HADHA: variants seen among roughly 807,000 people sequenced by gnomAD.
HADHA encodes the protein trifunctional enzyme subunit alpha, mitochondrial.
Under a neutral mutation model 91.3 loss-of-function variants are expected in HADHA, and 59 were observed. The observed-to-expected ratio is 0.65, with a 90% CI of 0.52 to 0.80. HADHA has a LOEUF of 0.80. Among genes scored for constraint, HADHA ranks in the 30% least tolerant of loss-of-function variants. The pLI, the probability that HADHA is intolerant of heterozygous loss-of-function variation, is 0.00. For missense variants in HADHA, 800 were observed against 927.6 expected (o/e 0.86, Z 1.79); for synonymous variants, 320 against 338.9 (o/e 0.94, Z 0.61).
intron 18 of HADHA, among the ~76,000 whole-genome samples, chr2:26,191,963 A>C (rs2147749912): frequency 6.6e-6 from 1 of 152,354 alleles, no homozygotes; most frequent in East Asian, 1.9e-4. Flanking sequence ...CTGTCCTTCC[A>C]GCGGCTCTCT....
intron 7 of HADHA, among the ~76,000 whole-genome samples, chr2:26,227,581 C>G (rs1670515243): frequency 6.6e-6 from 1 of 151,870 alleles, no homozygotes; most frequent in African/African-American, 2.4e-5. Flanking sequence ...AAAGATTGAC[C>G]ATGCAAAGTG....
intron 11 of HADHA, among the ~76,000 whole-genome samples, chr2:26,207,339 T>C (rs1184052618): frequency 6.9e-6 from 1 of 145,306 alleles, no homozygotes; most frequent in Non-Finnish European, 1.5e-5. Flanking sequence ...TTTTTTTTGG[T>C]GGGAGGGCAT....
At chr2:26,202,073 A>G (rs187439003) in intron 12 of HADHA, among the ~76,000 whole-genome samples, 21 of 151,810 alleles carry the variant, frequency 1.4e-4, no homozygotes, top group Middle Eastern at 3.4e-3. Flanking sequence ...TGTTGGGATT[A>G]TAGGCGTGAG....
At chr2:26,227,282 C>G (rs1406944653) in intron 7 of HADHA, among the ~76,000 whole-genome samples, 4 of 152,056 alleles carry the variant, frequency 2.6e-5, no homozygotes, top group Non-Finnish European at 5.9e-5. Flanking sequence ...GAGGCCAAGG[C>G]AGGGGGATAA....
intron 11 of HADHA, among the ~76,000 whole-genome samples, chr2:26,206,029 G>T (rs188205955): frequency 6.6e-6 from 1 of 151,966 alleles, no homozygotes; most frequent in East Asian, 1.9e-4. Flanking sequence ...AGCCAGGCAC[G>T]GTAGCTCATG....
chr2:26,223,786 G>A (rs1435228514), intron 7 of HADHA, among the ~76,000 whole-genome samples: 2 of 151,982 alleles, frequency 1.3e-5, no homozygotes, highest in Non-Finnish European at 2.9e-5. Context: ...TCACTCTGTC[G>A]CCCAGGCTGG....
intron 11 of HADHA, among the ~76,000 whole-genome samples, chr2:26,207,387 T>C (rs1669996927): frequency 6.6e-6 from 1 of 151,170 alleles, no homozygotes. Flanking sequence ...ATAACAATAA[T>C]AGTAAAATCT....
intron 17 of HADHA, 100 bp from the exon 18 acceptor site, chr2:26,192,524 C>T (rs935700732): frequency 1.7e-5 from 13 of 762,368 alleles, no homozygotes; most frequent in South Asian, 5.5e-5. Flanking sequence ...TGGTGGCTCA[C>T]GCCTGTAATC....
At chr2:26,240,599 A>G (rs1261036687) in intron 1 of HADHA, among the ~76,000 whole-genome samples, 1 of 152,168 alleles carries the variant, frequency 6.6e-6, no homozygotes, top group East Asian at 1.9e-4. Context: ...TTAGAAAATA[A>G]GCACCTAAGC....
intron 7 of HADHA, among the ~76,000 whole-genome samples, chr2:26,228,366 G>A (rs1670533445): frequency 6.6e-6 from 1 of 151,876 alleles, no homozygotes. Context: ...CCTGACCTCA[G>A]GTGATCAGCC....
At chr2:26,197,090 GT>G (rs1669696554) in intron 14 of HADHA, among the ~76,000 whole-genome samples, 3 of 152,226 alleles carry the variant, frequency 2.0e-5, no homozygotes, top group African/African-American at 7.2e-5. Context: ...CCTTCGGCTG[GT>G]TCTGGTTAGC....
intron 7 of HADHA, among the ~76,000 whole-genome samples, chr2:26,226,478 C>T (rs1489929392): frequency 6.6e-6 from 1 of 152,068 alleles, no homozygotes; most frequent in African/African-American, 2.4e-5. Context: ...AACAAAAAGA[C>T]ATATAGATAA....
chr2:26,236,210 T>C (rs1188313172), intron 4 of HADHA, among the ~76,000 whole-genome samples: 1 of 152,108 alleles, frequency 6.6e-6, no homozygotes, highest in Non-Finnish European at 1.5e-5. Context: ...TAGTCCACAT[T>C]TTACTTACCC....
intron 11 of HADHA, among the ~76,000 whole-genome samples, chr2:26,209,201 CT>C (rs997603062): frequency 6.0e-4 from 92 of 152,258 alleles, no homozygotes; most frequent in African/African-American, 2.1e-3. Flanking sequence ...AAATGTCCCC[CT>C]GGGAGGCAAA....
In HADHA at chr2:26,234,584, G is replaced by A. The variant is rs549330010; in HGVS notation, c.315-229C>T. 4.1e-4 allele frequency among the ~76,000 whole-genome samples: 63 copies of A among 152,168 alleles called. 1 individual carries two copies. Among genetic ancestry groups the A allele is most frequent in the Non-Finnish European group, 8.4e-4 (57 of 67,998 alleles). On this transcript the variant is annotated intron_variant, in intron 4 of 19. Coordinates refer to ENST00000380649, the MANE Select transcript of HADHA (RefSeq NM_000182.5). The stretch of plus-strand genomic sequence containing the variant: ...CCATGAGACCATCCCGGCTAACACG[G>A]TGAAACCCCGTCTCTACTAAAAATA...
intron 9 of HADHA, among the ~76,000 whole-genome samples, chr2:26,213,329 A>T (rs982058821): frequency 2.0e-5 from 3 of 152,206 alleles, no homozygotes; most frequent in African/African-American, 7.2e-5. Flanking sequence ...TCACTGCTCT[A>T]CTTTGTCTCT....
chr2:26,239,622 T>A (rs1258001546), intron 1 of HADHA, among the ~76,000 whole-genome samples: 6 of 151,998 alleles, frequency 3.9e-5, no homozygotes, highest in Admixed American at 1.3e-4. Flanking sequence ...AGGCTCTTGC[T>A]GCCTCCGTAT....
chr2:26,192,498 C>T (rs923553897), intron 17 of HADHA, 74 bp from the exon 18 acceptor site: 1 of 891,432 alleles, frequency 1.1e-6, no homozygotes, highest in East Asian at 2.4e-5. Context: ...TCTCAGAACC[C>T]TGGCCTGGCC....
At position 26,191,353 on chromosome 2, in the gene HADHA, A is replaced by G. The variant is rs1027792462; in HGVS notation, c.2189T>C (p.Val730Ala). The G allele has an allele frequency of 6.2e-7, 1 of 1,614,190 alleles. No homozygotes were observed. Among genetic ancestry groups the G allele is most frequent in the African/African-American group, 1.3e-5 (1 of 75,040 alleles). Reference protein sequence around the residue: ...FVDLYGAQKIVDRLKKYEAAY... With the variant: ...FVDLYGAQKIADRLKKYEAAY... The stretch of plus-strand genomic sequence containing the variant: ...AGCTTCATATTTCTTGAGCCGGTCC[A>G]CTATCTTCTGGGCGCCATACAGATC... Residue 730 changes from valine to alanine, a missense_variant, in exon 20 of 20, where the codon GTG becomes GCG. Physicochemically the swap from Val to Ala is moderately conservative, Grantham distance 64. Coordinates refer to ENST00000380649, the MANE Select transcript of HADHA (RefSeq NM_000182.5).
Sources: allele counts gnomAD v4.1 joint callset (sites outside exome capture counted in the v4.1 genomes callset), GRCh38; gene constraint gnomAD v4.1.1; transcripts MANE v1.5; gene names NCBI Gene and HGNC (gene_info 2026-07-23, HGNC 2026-07-21).